Variants in SEMA4A observed in about 807,000 individuals in gnomAD.
SEMA4A encodes the protein semaphorin 4A, also known as semaphorin-4A.
A neutral mutation model predicts 72.5 loss-of-function variants in SEMA4A; 52 were observed. That is an observed-to-expected ratio of 0.72 (90% CI 0.57 to 0.90). The LOEUF is 0.90. Among genes scored for constraint, SEMA4A ranks in the 40% least tolerant of loss-of-function variants. The pLI, the probability that SEMA4A is intolerant of heterozygous loss-of-function variation, is 0.00. For synonymous variants in SEMA4A, 369 were observed against 393.1 expected (o/e 0.94, Z 0.73); for missense variants, 926 against 959.7 (o/e 0.96, Z 0.46).
chr1:156,161,239 C>A, intron 8 of SEMA4A, 107 bp from the exon 9 acceptor site: 1 of 469,560 alleles, frequency 2.1e-6, no homozygotes, highest in South Asian at 2.5e-5. Context: ...ACACGCGGGG[C>A]TGGCGGGGAC....
upstream of SEMA4A, among the ~76,000 whole-genome samples, chr1:156,150,867 T>C (rs1652482448): frequency 6.6e-6 from 1 of 152,020 alleles, no homozygotes; most frequent in Non-Finnish European, 1.5e-5. Context: ...AGTGTTGTTG[T>C]CATGGCAGGA....
chr1:156,161,753 G>A (rs1220207658), intron 9 of SEMA4A: 7 of 513,470 alleles, frequency 1.4e-5, no homozygotes, highest in East Asian at 3.2e-5. Flanking sequence ...GTTCCAAAAG[G>A]GATAGGAAGC....
rs1301065057 is a variant in SEMA4A at position 156,172,931 on chromosome 1, G to T, written c.1240G>T (p.Glu414Ter). Residue 414 changes from glutamate to a stop codon, truncating the protein, a stop_gained, in exon 11 of 15, where the codon GAG (glutamate) becomes TAG (stop). Coordinates refer to ENST00000368285, the MANE Select transcript of SEMA4A (RefSeq NM_022367.4). LOFTEE classifies it high-confidence loss of function. ...GCCCCTGCTGGTGAAATCTGGCGTG[G>T]AGTATACACGGCTTGCAGTGGAGAC... ...GTPLLVKSGV[E>*]YTRLAVETAQ... 1.9e-6 allele frequency: 3 copies of T among 1,614,146 alleles called. No homozygotes were observed. In the Admixed American group the frequency reaches 5.0e-5, roughly 27 times the overall value.
At chr1:156,166,928 CAA>C (rs111620474) in intron 10 of SEMA4A, among the ~76,000 whole-genome samples, 108 of 147,812 alleles carry the variant, frequency 7.3e-4, no homozygotes, top group African/African-American at 2.4e-3. Context: ...GACTTCATCT[CAA>C]AAAAAAAAAG....
Position 156,156,522 on chromosome 1 carries a change from C to T in SEMA4A, c.248C>T (p.Ala83Val). The change falls in exon 3 of 15, where the codon GCC becomes GTC. Residue 83 changes from alanine (A) to valine (V), a missense_variant. Coordinates refer to ENST00000368285, the MANE Select transcript of SEMA4A (RefSeq NM_022367.4). ...ACTCTCTACGTGGGGGCTCGAGAAG[C>T]CATTCTGGCCTTGGATATCCAGGAT... ...GNTLYVGARE[A>V]ILALDIQDPG... 1 of 1,614,082 alleles carries T rather than the reference C, an allele frequency of 6.2e-7. No homozygotes were observed. The highest frequency in any genetic ancestry group is 8.5e-7 in the Non-Finnish European group (1 of 1,180,008).
intron 10 of SEMA4A, among the ~76,000 whole-genome samples, chr1:156,167,228 C>G (rs1216737505): frequency 1.3e-5 from 2 of 151,724 alleles, no homozygotes; most frequent in Non-Finnish European, 2.9e-5. Flanking sequence ...GTGGCTCGAG[C>G]CTGCAATCCC....
Position 156,156,575 on chromosome 1 carries a change from G to T in SEMA4A, c.300+1G>T. The T allele has an allele frequency of 6.2e-7, 1 of 1,613,866 alleles. No individual in the cohort carries two copies. The highest frequency in any genetic ancestry group is 1.7e-5 in the Admixed American group (1 of 60,006). On this transcript the variant is annotated splice_donor_variant, in intron 3 of 14. Coordinates refer to ENST00000368285, the MANE Select transcript of SEMA4A (RefSeq NM_022367.4). LOFTEE classifies it high-confidence loss of function. ...AGGGGTCCCCAGGCTAAAGAACATG[G>T]TGAGGAGTCCAGGGATAAAGAGTGT...
chr1:156,177,714 T>C lies in SEMA4A; in HGVS notation c.*717T>C, dbSNP rs997365745. Reference sequence around the variant, plus strand: ...ATTCAGAAAACTGCTTGTCAGAGACTGTTTATTTTTTATTAAAAATATAAG... The same window carrying C: ...ATTCAGAAAACTGCTTGTCAGAGACCGTTTATTTTTTATTAAAAATATAAG... On this transcript the variant is annotated 3_prime_UTR_variant, in exon 15 of 15. Coordinates refer to ENST00000368285, the MANE Select transcript of SEMA4A (RefSeq NM_022367.4). 6.5e-6 allele frequency: 1 copy of C among 154,966 alleles called. No homozygotes were observed. Among genetic ancestry groups the C allele is most frequent in the East Asian group, 1.9e-4 (1 of 5,232 alleles). The allele number at this position is 154,966 out of a possible 1,614,324, so 9.6% of individuals were successfully genotyped here.
chr1:156,158,312 A>G, intron 4 of SEMA4A, 76 bp from the exon 5 acceptor site: 1 of 1,326,998 alleles, frequency 7.5e-7, no homozygotes, highest in Non-Finnish European at 1.1e-6. Flanking sequence ...CTTTCTCCTC[A>G]GTGAGGGGGC....
chr1:156,158,256 T>A (rs1438299353), intron 4 of SEMA4A, 124 bp downstream of exon 4: 20 of 1,287,024 alleles, frequency 1.6e-5, no homozygotes, highest in Non-Finnish European at 2.2e-5. Flanking sequence ...ATCTCCTGGA[T>A]TATGTTCTAC....
upstream of SEMA4A, among the ~76,000 whole-genome samples, chr1:156,150,707 G>A (rs1652470395): frequency 6.6e-6 from 1 of 152,108 alleles, no homozygotes; most frequent in Non-Finnish European, 1.5e-5. Flanking sequence ...CATAGAGTCG[G>A]GGCGGGAAGC....
intron 5 of SEMA4A, 75 bp downstream of exon 5, chr1:156,158,561 C>A: frequency 1.5e-6 from 2 of 1,356,308 alleles, no homozygotes; most frequent in Non-Finnish European, 2.1e-6. Flanking sequence ...TCCTCTGTAG[C>A]TCTGGAAAAC....
upstream of SEMA4A, among the ~76,000 whole-genome samples, chr1:156,148,801 CTTTTT>C (rs371528689): frequency 1.6e-5 from 2 of 128,738 alleles, no homozygotes; most frequent in Non-Finnish European, 1.7e-5. Flanking sequence ...TTTCTTTTTT[CTTTTT>C]TTTTTTTTTT....
At chr1:156,171,021 T>C (rs1464508252) in intron 10 of SEMA4A, among the ~76,000 whole-genome samples, 1 of 152,198 alleles carries the variant, frequency 6.6e-6, no homozygotes, top group East Asian at 1.9e-4. Context: ...GAGACCAGCC[T>C]TGGCAATATA....
In SEMA4A at chr1:156,175,089, G is replaced by T; in HGVS notation, c.1438G>T (p.Ala480Ser). 1.9e-6 allele frequency: 3 copies of T among 1,614,182 alleles called. No homozygotes were observed. The highest frequency in any genetic ancestry group is 2.5e-6 in the Non-Finnish European group (3 of 1,180,024). ...RNLQLAPTQG[A>S]VFVGFSGGVW... Reference sequence around the variant, plus strand: ...ACAATCTCCATCTCTCTTCCAGGGTGCAGTGTTTGTAGGCTTCTCAGGAGG... The same window carrying T: ...ACAATCTCCATCTCTCTTCCAGGGTTCAGTGTTTGTAGGCTTCTCAGGAGG... Residue 480 changes from alanine to serine, a missense_variant, in exon 13 of 15, where the codon GCA becomes TCA. Physicochemically the swap from Ala to Ser is moderately conservative, Grantham distance 99. Coordinates refer to ENST00000368285, the MANE Select transcript of SEMA4A (RefSeq NM_022367.4).
intron 6 of SEMA4A, chr1:156,159,031 CA>C (rs34840198): frequency 0.33 from 92,872 of 282,192 alleles, 5,156 homozygotes; most frequent in Admixed American, 0.36. Flanking sequence ...GAGATCGTCT[CA>C]AAAAAAAAAA....
Position 156,157,011 on chromosome 1 carries a change from C to T in SEMA4A, c.300+437C>T, listed in dbSNP as rs1048267394. 2.0e-5 allele frequency among the ~76,000 whole-genome samples: 3 copies of T among 151,966 alleles called. No homozygotes were observed. The highest frequency in any genetic ancestry group is 2.9e-5 in the Non-Finnish European group (2 of 67,976). ...CCTCCCAAAGAGTTGGGATTACAGGCGTGAGCCACCGCACCCGGCCTGTGA... is the reference window on the plus strand; with the variant it reads ...CCTCCCAAAGAGTTGGGATTACAGGTGTGAGCCACCGCACCCGGCCTGTGA... On this transcript the variant is annotated intron_variant, in intron 3 of 14. Transcript: ENST00000368285. The surrounding 1 kb of genome is among the most constrained non-coding windows in gnomAD (Gnocchi z 4.5).
chr1:156,173,771 G>A (rs1312976086), intron 11 of SEMA4A, among the ~76,000 whole-genome samples: 1 of 152,110 alleles, frequency 6.6e-6, no homozygotes, highest in Non-Finnish European at 1.5e-5. Flanking sequence ...TGGGAGTGAG[G>A]GGGCAGGAAA....
At position 156,175,885 on chromosome 1, in the gene SEMA4A, A is replaced by G. The variant is rs1655278486; in HGVS notation, c.1693+229A>G. ...AGGTTGCAGTTGATTTTGGTGTCTG[A>G]GTTGGAGTTAGGTGGACTGGGGCTT... On this transcript the variant is annotated intron_variant, in intron 14 of 14. Transcript: ENST00000368285. Among the ~76,000 whole-genome samples, 4 of 152,186 alleles carry G rather than the reference A, an allele frequency of 2.6e-5. No homozygotes were observed. In the South Asian group the frequency reaches 8.3e-4, roughly 32 times the overall value.
Sources: allele counts gnomAD v4.1 joint callset (sites outside exome capture counted in the v4.1 genomes callset), GRCh38; gene constraint gnomAD v4.1.1; non-coding constraint Gnocchi (gnomAD v3.1); transcripts MANE v1.5; gene names NCBI Gene and HGNC (gene_info 2026-07-23, HGNC 2026-07-21).